NMNAT3: variants seen among roughly 807,000 people sequenced by gnomAD.
NMNAT3 encodes nicotinamide/nicotinic acid mononucleotide adenylyltransferase 3.
NMNAT3 carries 21 observed loss-of-function variants against 24.8 expected under a neutral mutation model. The observed-to-expected ratio is 0.85, with a 90% CI of 0.60 to 1.22. The LOEUF is 1.22. Among genes scored for constraint, NMNAT3 ranks in the 50% most tolerant of loss-of-function variants. NMNAT3 has a pLI of 0.00. For missense variants in NMNAT3, 387 were observed against 436.6 expected (o/e 0.89, Z 1.01); for synonymous variants, 136 against 155.2 (o/e 0.88, Z 0.92).
chr3:139,616,104 G>C (rs1243454479), intron 3 of NMNAT3, among the ~76,000 whole-genome samples: 1 of 151,996 alleles, frequency 6.6e-6, no homozygotes, highest in Non-Finnish European at 1.5e-5. Context: ...CAATCCAGTT[G>C]TCAATACCAC....
At position 139,669,376 on chromosome 3, in the gene NMNAT3, G is replaced by C. The variant is rs1007752865; in HGVS notation, c.-141+8329C>G. 2.0e-5 allele frequency among the ~76,000 whole-genome samples: 3 copies of C among 150,038 alleles called. No homozygotes were observed. The Admixed American group carries it at 2.0e-4, about 10-fold the overall frequency. On this transcript the variant is annotated intron_variant, in intron 1 of 6. Coordinates refer to ENST00000643695, the MANE Select transcript of NMNAT3 (RefSeq NM_001320510.2). Reference sequence around the variant, plus strand: ...TGTAGTCCCAGCTACTCCTGAGGCTGAGATGGGAGGACTGCTTGAACCTGG... The same window carrying C: ...TGTAGTCCCAGCTACTCCTGAGGCTCAGATGGGAGGACTGCTTGAACCTGG...
At chr3:139,613,198 A>G (rs2055314377) in intron 3 of NMNAT3, among the ~76,000 whole-genome samples, 1 of 152,190 alleles carries the variant, frequency 6.6e-6, no homozygotes, top group African/African-American at 2.4e-5. Context: ...TGAACGGGCA[A>G]CCTACAGAAT....
intron 2 of NMNAT3, 48 bp downstream of exon 3, chr3:139,634,563 C>T (rs1177506048): frequency 6.6e-6 from 1 of 152,180 alleles, no homozygotes; most frequent in Non-Finnish European, 1.5e-5. Flanking sequence ...TTTTAACCCG[C>T]TGTTGCTACG....
At chr3:139,608,586 C>T (rs1213571990) in intron 3 of NMNAT3, among the ~76,000 whole-genome samples, 2 of 152,044 alleles carry the variant, frequency 1.3e-5, no homozygotes, top group African/African-American at 4.8e-5. Context: ...TGTAGATTTA[C>T]ATATAGTTGT....
chr3:139,593,221 G>T (rs941290297), intron 3 of NMNAT3, among the ~76,000 whole-genome samples: 1 of 152,306 alleles, frequency 6.6e-6, no homozygotes, highest in Non-Finnish European at 1.5e-5. Flanking sequence ...AAGAGACAAA[G>T]AAGGCCATTA....
intron 2 of NMNAT3, among the ~76,000 whole-genome samples, chr3:139,630,213 C>T (rs2056235052): frequency 6.6e-6 from 1 of 152,212 alleles, no homozygotes; most frequent in African/African-American, 2.4e-5. Context: ...GATTTTGCTT[C>T]TGTCTCATTG....
At chr3:139,631,130 T>G (rs2056278798) in intron 2 of NMNAT3, among the ~76,000 whole-genome samples, 1 of 152,150 alleles carries the variant, frequency 6.6e-6, no homozygotes, top group African/African-American at 2.4e-5. Flanking sequence ...CTTTCTTTTT[T>G]TGCTGTGGGC....
At chr3:139,589,221 G>A (rs910227419) in intron 3 of NMNAT3, among the ~76,000 whole-genome samples, 12 of 152,120 alleles carry the variant, frequency 7.9e-5, no homozygotes, top group African/African-American at 2.7e-4. Flanking sequence ...GGTACACAGT[G>A]AACTAATAGA....
chr3:139,625,938 C>G (rs554786589), intron 3 of NMNAT3, among the ~76,000 whole-genome samples: 2 of 151,998 alleles, frequency 1.3e-5, no homozygotes, highest in South Asian at 4.1e-4. Flanking sequence ...AATTCTAGGT[C>G]GACAGTATTT....
At chr3:139,660,479 T>C (rs1277912605) in intron 1 of NMNAT3, among the ~76,000 whole-genome samples, 1 of 152,206 alleles carries the variant, frequency 6.6e-6, no homozygotes, top group African/African-American at 2.4e-5. Context: ...TGCAGATACA[T>C]TGATCTTATA....
chr3:139,574,403 A>T (rs565826809), intron 5 of NMNAT3, among the ~76,000 whole-genome samples: 2 of 152,368 alleles, frequency 1.3e-5, no homozygotes, highest in African/African-American at 4.8e-5. Flanking sequence ...TAATACACAC[A>T]AAGTGCACTG....
intron 1 of NMNAT3, among the ~76,000 whole-genome samples, chr3:139,648,843 A>G (rs112706642): frequency 6.6e-6 from 1 of 152,244 alleles, no homozygotes; most frequent in Non-Finnish European, 1.5e-5. Context: ...TATTGAGTAA[A>G]TACTGGTAAA....
chr3:139,575,139 C>A (rs1355694480), intron 5 of NMNAT3, among the ~76,000 whole-genome samples: 1 of 152,154 alleles, frequency 6.6e-6, no homozygotes, highest in Admixed American at 6.5e-5. Context: ...CTTTATATTC[C>A]TAGCACCCAT....
chr3:139,617,260 G>C (rs773339612), intron 3 of NMNAT3, among the ~76,000 whole-genome samples: 15 of 152,284 alleles, frequency 9.9e-5, no homozygotes, highest in African/African-American at 3.6e-4. Flanking sequence ...CAGAACCACA[G>C]AGGCTACTTC....
At chr3:139,568,928 T>G (rs1937616543) in intron 6 of NMNAT3, 1 of 152,242 alleles carries the variant, frequency 6.6e-6, no homozygotes, top group Non-Finnish European at 1.5e-5. Flanking sequence ...ATCTGTCTAA[T>G]GTTGACAGTG....
intron 6 of NMNAT3, among the ~76,000 whole-genome samples, chr3:139,572,627 C>T (rs1445921126): frequency 6.6e-6 from 1 of 152,102 alleles, no homozygotes; most frequent in Non-Finnish European, 1.5e-5. Context: ...ACCTTTAGGG[C>T]CTGGTAGCAT....
chr3:139,575,708 G>A (rs1939196067), intron 5 of NMNAT3: 73 of 1,069,522 alleles, frequency 6.8e-5, no homozygotes, highest in Non-Finnish European at 8.2e-5. Flanking sequence ...CCTCTATGGG[G>A]CATGACCATT....
At chr3:139,658,548 A>G (rs2057316643) in intron 1 of NMNAT3, among the ~76,000 whole-genome samples, 1 of 152,228 alleles carries the variant, frequency 6.6e-6, no homozygotes, top group African/African-American at 2.4e-5. Context: ...AACATGCAGC[A>G]AAGTCAAAAG....
chr3:139,656,320 T>C (rs2057239973), intron 1 of NMNAT3, among the ~76,000 whole-genome samples: 1 of 152,132 alleles, frequency 6.6e-6, no homozygotes, highest in Non-Finnish European at 1.5e-5. Flanking sequence ...ACCATGGTTT[T>C]GAAGGTCCTA....
Sources: gnomAD v4.1 joint callset for allele counts (sites outside exome capture counted in the v4.1 genomes callset) on GRCh38, gnomAD v4.1.1 for gene constraint, MANE v1.5 for transcripts, NCBI Gene and HGNC (gene_info 2026-07-23, HGNC 2026-07-21) for gene names.